The following LMO7 variants were observed in gnomAD, a reference collection of about 807,000 sequenced individuals.
LMO7 encodes the protein LIM domain 7, also known as LIM domain only protein 7.
In LMO7, 120 loss-of-function variants were observed where a neutral mutation model predicts 206.5. The ratio of observed to expected loss-of-function variants is 0.58; its 90% CI spans 0.50 to 0.68. The LOEUF is 0.68. Among genes scored for constraint, LMO7 ranks in the 30% least tolerant of loss-of-function variants. The probability of loss-of-function intolerance (pLI) is 0.00; values close to 1 mark genes in which losing one functional copy is unlikely to be tolerated. For missense variants in LMO7, 1,959 were observed against 1,957.9 expected, an observed-to-expected ratio of 1.00 and a Z score of -0.01; for synonymous variants, 706 against 681.5, an observed-to-expected ratio of 1.04 and a Z score of -0.56.
At chr13:75,634,373 G>T (rs957841422), upstream of LMO7, among the ~76,000 whole-genome samples, 8 of 152,050 alleles carry the variant, frequency 5.3e-5, no homozygotes, top group African/African-American at 1.7e-4. Context: ...AGGAGTTCAA[G>T]GTCACGGGGA....
chr13:75,706,555 A>G (rs1309535684), intron 1 of LMO7, among the ~76,000 whole-genome samples: 2 of 152,130 alleles, frequency 1.3e-5, no homozygotes, highest in African/African-American at 4.8e-5. Context: ...TGAAATTTAG[A>G]GTATTATATT....
At position 75,692,419 on chromosome 13, in the gene LMO7, A is replaced by G. The variant is rs114396434; in HGVS notation, c.70-20763A>G. Among the ~76,000 whole-genome samples, 732 of 150,130 alleles carry G rather than the reference A, an allele frequency of 4.9e-3. 8 individuals are homozygous for G. Among genetic ancestry groups the G allele is most frequent in the African/African-American group, 0.017 (686 of 40,712 alleles). ...CCTTTTTTTTTTTTTCTTTCCAGAG[A>G]CAGAGTCTTGCTCTGGAGTGCAGTG... On this transcript the variant is annotated intron_variant, in intron 1 of 30. Coordinates refer to ENST00000377534, the MANE Select transcript of LMO7 (RefSeq NM_001306080.2).
chr13:75,681,010 G>GTT (rs113975680), intron 1 of LMO7, among the ~76,000 whole-genome samples: 4 of 147,982 alleles, frequency 2.7e-5, no homozygotes, highest in African/African-American at 7.4e-5. Flanking sequence ...TTTTAATGAG[G>GTT]TTTTTTTTTT....
chr13:75,789,719 G>C (rs991813512), intron 4 of LMO7, among the ~76,000 whole-genome samples: 13 of 152,128 alleles, frequency 8.5e-5, no homozygotes, highest in Non-Finnish European at 1.6e-4. Context: ...GGAAGGCGGT[G>C]CTGGGTGCAT....
intron 7 of LMO7, among the ~76,000 whole-genome samples, chr13:75,802,562 C>G (rs2054893850): frequency 6.6e-6 from 1 of 152,176 alleles, no homozygotes; most frequent in African/African-American, 2.4e-5. Flanking sequence ...AGTGGCCCAC[C>G]CAGCGGTGTG....
chr13:75,793,972 A>G (rs1324699959), intron 4 of LMO7, among the ~76,000 whole-genome samples: 1 of 151,764 alleles, frequency 6.6e-6, no homozygotes, highest in East Asian at 1.9e-4. Flanking sequence ...GAGAGGTTGA[A>G]CTTGTGGTTG....
rs568599117 is a variant in LMO7 at position 75,846,322 on chromosome 13, G to A, written c.4150+943G>A. Among the ~76,000 whole-genome samples the A allele has an allele frequency of 1.4e-4, 21 of 152,158 alleles. No individual in the cohort carries two copies. The South Asian group carries it at 3.1e-3, about 23-fold the overall frequency. On this transcript the variant is annotated intron_variant, in intron 26 of 30. Coordinates refer to ENST00000377534, the MANE Select transcript of LMO7 (RefSeq NM_001306080.2). The stretch of plus-strand genomic sequence containing the variant: ...CTTTCTTTGAGCAGTTAGGACCTTT[G>A]TTATCTGGTTCTAGTTTAACTTTCC...
chr13:75,630,443 C>G (rs1271132430), intron 2 of LMO7, among the ~76,000 whole-genome samples: 2 of 152,134 alleles, frequency 1.3e-5, no homozygotes, highest in African/African-American at 4.8e-5. Context: ...TAGGCTGAGG[C>G]GGGTGGATTG....
At chr13:75,788,070 T>C (rs1476869289) in intron 4 of LMO7, among the ~76,000 whole-genome samples, 1 of 152,182 alleles carries the variant, frequency 6.6e-6, no homozygotes, top group Non-Finnish European at 1.5e-5. Context: ...TAAATTCCTA[T>C]TTTGATTCCT....
Position 75,841,916 on chromosome 13 carries a change from G to T in LMO7, c.3964G>T (p.Ala1322Ser). 1 of 1,613,668 alleles carries T rather than the reference G, an allele frequency of 6.2e-7. No individual in the cohort carries two copies. The highest frequency in any genetic ancestry group is 8.5e-7 in the Non-Finnish European group (1 of 1,179,890). The part of the protein sequence containing the change: ...QAEAEEQKRP[A>S]EEQKRQAEIE... ...TGAGGCTGAGGAGCAGAAGCGTCCT[G>T]CGGAGGAGCAGAAGCGCCAGGCAGA... The change falls in exon 24 of 31, where the codon GCG becomes TCG. Residue 1322 changes from alanine to serine, a missense_variant. Ala to Ser is a moderately conservative substitution (Grantham distance 99). Transcript: ENST00000377534.
intron 20 of LMO7, 124 bp from the exon 21 acceptor site, chr13:75,839,961 A>AG: frequency 1.2e-6 from 1 of 831,790 alleles, no homozygotes; most frequent in Non-Finnish European, 1.9e-6. Flanking sequence ...GTTTAAAAAA[A>AG]CATTGTCACT....
At chr13:75,697,720 C>A (rs1356733176) in intron 1 of LMO7, among the ~76,000 whole-genome samples, 1 of 152,206 alleles carries the variant, frequency 6.6e-6, no homozygotes, top group Non-Finnish European at 1.5e-5. Context: ...TACTATTCTT[C>A]ATGCTTCAAC....
At chr13:75,725,174 A>T (rs1046169767) in intron 2 of LMO7, among the ~76,000 whole-genome samples, 5 of 152,114 alleles carry the variant, frequency 3.3e-5, no homozygotes, top group Admixed American at 3.3e-4. Context: ...ACTTTCTCTT[A>T]TGAAACCTGT....
intron 25 of LMO7, among the ~76,000 whole-genome samples, chr13:75,843,649 A>G (rs1303100610): frequency 6.6e-6 from 1 of 152,196 alleles, no homozygotes; most frequent in African/African-American, 2.4e-5. Context: ...AAAATTTCAG[A>G]TATCTGGAAA....
At chr13:75,752,019 T>C (rs1263255353) in intron 3 of LMO7, among the ~76,000 whole-genome samples, 1 of 152,224 alleles carries the variant, frequency 6.6e-6, no homozygotes, top group African/African-American at 2.4e-5. Context: ...TTTAGACTTT[T>C]GCATAATGAA....
chr13:75,843,696 T>C (rs2059735728), intron 25 of LMO7, among the ~76,000 whole-genome samples: 3 of 152,204 alleles, frequency 2.0e-5, no homozygotes. Context: ...AACATTGTTT[T>C]AATGTTTTAA....
intron 7 of LMO7, among the ~76,000 whole-genome samples, chr13:75,803,230 C>T (rs1254287691): frequency 1.3e-5 from 2 of 152,150 alleles, no homozygotes; most frequent in East Asian, 1.9e-4. Context: ...GTATGTTAAG[C>T]GACTTCCTGT....
chr13:75,734,083 A>G (rs1254938393), intron 3 of LMO7, among the ~76,000 whole-genome samples: 1 of 152,224 alleles, frequency 6.6e-6, no homozygotes, highest in Non-Finnish European at 1.5e-5. Flanking sequence ...GTTTCCCACC[A>G]AAGTCCTGTG....
intron 3 of LMO7, among the ~76,000 whole-genome samples, chr13:75,727,780 C>G (rs1594562577): frequency 1.3e-5 from 2 of 149,132 alleles, no homozygotes; most frequent in Admixed American, 6.7e-5. Context: ...CCCCCCTCCC[C>G]CAACCCCACA....
Sources: gnomAD v4.1 joint callset for allele counts (sites outside exome capture counted in the v4.1 genomes callset) on GRCh38, gnomAD v4.1.1 for gene constraint, MANE v1.5 for transcripts, NCBI Gene and HGNC (gene_info 2026-07-23, HGNC 2026-07-21) for gene names.